Variants in EPB41L2 observed in about 807,000 individuals in gnomAD.
The protein encoded by EPB41L2 is band 4.1-like protein 2.
EPB41L2 carries 43 observed loss-of-function variants against 113.0 expected under a neutral mutation model. The ratio of observed to expected loss-of-function variants is 0.38; its 90% CI spans 0.30 to 0.49. The LOEUF is 0.49. EPB41L2 is among the 20% of genes least tolerant of loss of function. EPB41L2 has a pLI of 0.95. For missense variants in EPB41L2, 1,147 were observed against 1,223.4 expected (o/e 0.94, Z 0.93); for synonymous variants, 442 against 436.7 (o/e 1.01, Z -0.15).
At chr6:131,022,620 T>C (rs1230624182) in intron 1 of EPB41L2, among the ~76,000 whole-genome samples, 2 of 152,202 alleles carry the variant, frequency 1.3e-5, no homozygotes, top group Non-Finnish European at 2.9e-5. Context: ...TGATAGCACC[T>C]ATGTCAAAAT....
intron 3 of EPB41L2, among the ~76,000 whole-genome samples, chr6:130,950,885 A>G (rs1161023814): frequency 1.3e-5 from 2 of 152,218 alleles, no homozygotes; most frequent in Admixed American, 6.5e-5. Context: ...AAAATACATG[A>G]TCCTCTTAGT....
At chr6:130,860,088 T>G (rs1398148144) in intron 18 of EPB41L2, among the ~76,000 whole-genome samples, 1 of 152,202 alleles carries the variant, frequency 6.6e-6, no homozygotes, top group East Asian at 1.9e-4. Context: ...ACATTGTGTT[T>G]GTGTGTGTCT....
chr6:130,915,110 C>T (rs1369488401), intron 4 of EPB41L2, among the ~76,000 whole-genome samples: 2 of 151,774 alleles, frequency 1.3e-5, no homozygotes, highest in East Asian at 1.9e-4. Context: ...GAGACCATCC[C>T]GGCTAAAACG....
intron 6 of EPB41L2, among the ~76,000 whole-genome samples, chr6:130,901,919 C>T (rs542319273): frequency 2.6e-5 from 4 of 152,318 alleles, no homozygotes; most frequent in Admixed American, 2.6e-4. Context: ...TAATTAGTGG[C>T]TATAATGTTT....
At chr6:130,913,285 G>T (rs1279360065) in intron 4 of EPB41L2, among the ~76,000 whole-genome samples, 2 of 152,220 alleles carry the variant, frequency 1.3e-5, no homozygotes, top group African/African-American at 2.4e-5. Context: ...ACTGAAGGCT[G>T]AAATGGCTTA....
At chr6:130,943,283 G>A (rs559965738) in intron 3 of EPB41L2, among the ~76,000 whole-genome samples, 35 of 152,202 alleles carry the variant, frequency 2.3e-4, no homozygotes, top group African/African-American at 6.7e-4. Flanking sequence ...TTTAATGATC[G>A]CCATTCTAAC....
At chr6:130,997,187 G>A (rs998936562) in intron 1 of EPB41L2, among the ~76,000 whole-genome samples, 2 of 152,122 alleles carry the variant, frequency 1.3e-5, no homozygotes, top group Non-Finnish European at 2.9e-5. Flanking sequence ...AAGAATGAAA[G>A]GAATTTCCTG....
At chr6:131,060,658 A>C (rs1798478567) in intron 1 of EPB41L2, among the ~76,000 whole-genome samples, 1 of 152,242 alleles carries the variant, frequency 6.6e-6, no homozygotes, top group Non-Finnish European at 1.5e-5. Flanking sequence ...TCCAAGTGCT[A>C]GCATTATCTA....
chr6:131,019,821 G>T (rs1274288204), intron 1 of EPB41L2, among the ~76,000 whole-genome samples: 23 of 151,954 alleles, frequency 1.5e-4, no homozygotes, highest in Admixed American at 1.4e-3. Flanking sequence ...TAGTTTTCCT[G>T]TTTTCACTGT....
At chr6:130,931,705 C>G (rs941963761) in intron 3 of EPB41L2, among the ~76,000 whole-genome samples, 1 of 151,962 alleles carries the variant, frequency 6.6e-6, no homozygotes, top group Non-Finnish European at 1.5e-5. Context: ...GGGTGAAGAA[C>G]CAAGGCACAA....
At chr6:130,864,503 G>A (rs1002760173) in intron 17 of EPB41L2, among the ~76,000 whole-genome samples, 2 of 152,198 alleles carry the variant, frequency 1.3e-5, no homozygotes, top group African/African-American at 4.8e-5. Flanking sequence ...TATGGGCTCC[G>A]TACAAGCTGC....
chr6:130,951,468 G>A (rs1252882956), intron 3 of EPB41L2, among the ~76,000 whole-genome samples: 1 of 151,330 alleles, frequency 6.6e-6, no homozygotes, highest in East Asian at 2.0e-4. Context: ...GGGATTATAG[G>A]CACTCACCAC....
chr6:130,848,668 T>A (rs1246354195), intron 19 of EPB41L2, among the ~76,000 whole-genome samples: 1 of 152,202 alleles, frequency 6.6e-6, no homozygotes, highest in Non-Finnish European at 1.5e-5. Context: ...ACTATTTTGA[T>A]GCAAGAAAGC....
chr6:131,015,708 T>C (rs1195391454), intron 1 of EPB41L2: 1 of 152,272 alleles, frequency 6.6e-6, no homozygotes, highest in Non-Finnish European at 1.5e-5. Context: ...TTCATTCTCA[T>C]CCTACTTCCA....
chr6:131,039,800 A>C (rs1401838435), intron 1 of EPB41L2, among the ~76,000 whole-genome samples: 1 of 152,108 alleles, frequency 6.6e-6, no homozygotes, highest in Non-Finnish European at 1.5e-5. Flanking sequence ...ATATATAAAA[A>C]TCCTTAAGTC....
chr6:130,864,854 A>C (rs1278534014), intron 17 of EPB41L2, among the ~76,000 whole-genome samples: 1 of 152,244 alleles, frequency 6.6e-6, no homozygotes, highest in African/African-American at 2.4e-5. Flanking sequence ...TTAGACACTT[A>C]TCCAAAGTAA....
At chr6:131,051,086 C>A (rs1406232645) in intron 1 of EPB41L2, among the ~76,000 whole-genome samples, 1 of 151,896 alleles carries the variant, frequency 6.6e-6, no homozygotes, top group Non-Finnish European at 1.5e-5. Flanking sequence ...CTTGAAAGAC[C>A]ACAGGAAAAA....
intron 1 of EPB41L2, among the ~76,000 whole-genome samples, chr6:131,049,822 T>C (rs1796181183): frequency 6.6e-6 from 1 of 152,176 alleles, no homozygotes; most frequent in Non-Finnish European, 1.5e-5. Flanking sequence ...CACAAATATA[T>C]AAAAGCTACA....
At chr6:130,846,481 C>T (rs1248954433) in intron 19 of EPB41L2, among the ~76,000 whole-genome samples, 2 of 152,200 alleles carry the variant, frequency 1.3e-5, no homozygotes, top group African/African-American at 4.8e-5. Flanking sequence ...CTGCCGTTTT[C>T]TTCTGTCACA....
Sources: gnomAD v4.1 joint callset for allele counts (sites outside exome capture counted in the v4.1 genomes callset) on GRCh38, gnomAD v4.1.1 for gene constraint, MANE v1.5 for transcripts, NCBI Gene and HGNC (gene_info 2026-07-23, HGNC 2026-07-21) for gene names.